CUX1: variants seen among roughly 807,000 people sequenced by gnomAD.
CUX1 encodes the protein cut like homeobox 1.
In CUX1, 31 loss-of-function variants were observed where a neutral mutation model predicts 158.8. The observed-to-expected ratio is 0.20, with a 90% CI of 0.15 to 0.26. CUX1 has a LOEUF of 0.26. Among genes scored for constraint, CUX1 ranks in the 10% least tolerant of loss-of-function variants. CUX1 has a pLI of 1.00. For missense variants in CUX1, 1,589 were observed against 2,014.6 expected (o/e 0.79, Z 4.04); for synonymous variants, 879 against 862.1 (o/e 1.02, Z -0.34).
At chr7:101,940,242 G>GGA (rs1554425862) in intron 2 of CUX1, among the ~76,000 whole-genome samples, 4 of 140,344 alleles carry the variant, frequency 2.9e-5, no homozygotes, top group Non-Finnish European at 6.1e-5. Flanking sequence ...CCTGTCTCAG[G>GGA]AAAAAAAAAA....
intron 6 of CUX1, among the ~76,000 whole-genome samples, chr7:102,109,184 A>G (rs1305127532): frequency 6.6e-6 from 1 of 152,230 alleles, no homozygotes; most frequent in Non-Finnish European, 1.5e-5. Context: ...AAAACAAATA[A>G]TAACATTTTA....
chr7:102,143,877 G>A (rs1203426983), intron 8 of CUX1, among the ~76,000 whole-genome samples: 1 of 152,030 alleles, frequency 6.6e-6, no homozygotes, highest in Non-Finnish European at 1.5e-5. Flanking sequence ...CCACCTCCTG[G>A]GTTCAAGCCA....
chr7:101,869,388 C>T lies in CUX1; in HGVS notation c.31-46727C>T, dbSNP rs1462689523. On this transcript the variant is annotated intron_variant, in intron 1 of 23. Transcript: ENST00000292535. The surrounding 1 kb of genome is among the most constrained non-coding windows in gnomAD (Gnocchi z 4.5). The stretch of plus-strand genomic sequence containing the variant: ...GCACACAGTAGGTGCTTAATAAACA[C>T]GTGGACTGAACACAAGAGGTTGAGG... 6.6e-6 allele frequency among the ~76,000 whole-genome samples: 1 copy of T among 152,172 alleles called. No individual in the cohort carries two copies. The highest frequency in any genetic ancestry group is 1.5e-5 in the Non-Finnish European group (1 of 68,034).
chr7:101,879,237 G>T (rs1335385083), intron 1 of CUX1, among the ~76,000 whole-genome samples: 1 of 152,034 alleles, frequency 6.6e-6, no homozygotes, highest in African/African-American at 2.4e-5. Flanking sequence ...TGGGGAAGTG[G>T]GAATGCTTGC....
Position 102,267,611 on chromosome 7 carries a change from A to G in CUX1, c.1256-5755A>G, listed in dbSNP as rs999783944. ...TAGGTACAACACCGCTGGCCTCGCT[A>G]TGATAAGTCTCTGCATTTAATCCTT... On this transcript the variant is annotated intron_variant, in intron 14 of 22. Transcript: ENST00000292538. Among the ~76,000 whole-genome samples, 10 of 152,176 alleles carry G rather than the reference A, an allele frequency of 6.6e-5. No individual in the cohort carries two copies. The East Asian group carries it at 1.9e-3, about 29-fold the overall frequency.
At chr7:101,919,285 T>A (rs1804607518) in intron 2 of CUX1, among the ~76,000 whole-genome samples, 1 of 152,098 alleles carries the variant, frequency 6.6e-6, no homozygotes, top group Admixed American at 6.5e-5. Context: ...CTGGCCTGTG[T>A]CCCAAGGGGA....
intron 11 of CUX1, among the ~76,000 whole-genome samples, chr7:102,184,691 G>C (rs566579166): frequency 6.6e-6 from 1 of 152,138 alleles, no homozygotes; most frequent in South Asian, 2.1e-4. Flanking sequence ...TTTTGCCCCA[G>C]GATGGAGTAC....
At chr7:102,244,341 C>A (rs1302935338) in intron 23 of CUX1, among the ~76,000 whole-genome samples, 1 of 138,498 alleles carries the variant, frequency 7.2e-6, no homozygotes, top group Non-Finnish European at 1.6e-5. Context: ...AAAAAAAAAA[C>A]CGAGCTTTAT....
intron 8 of CUX1, among the ~76,000 whole-genome samples, chr7:102,146,397 G>C (rs1186342478): frequency 2.0e-5 from 3 of 152,166 alleles, no homozygotes; most frequent in Non-Finnish European, 4.4e-5. Flanking sequence ...CAGGTAGAAA[G>C]TTGACCCCGC....
At chr7:102,064,973 G>A (rs988900170) in intron 3 of CUX1, among the ~76,000 whole-genome samples, 1 of 152,172 alleles carries the variant, frequency 6.6e-6, no homozygotes, top group African/African-American at 2.4e-5. Context: ...AGCAAAGCAC[G>A]GAACTAGGAA....
intron 6 of CUX1, among the ~76,000 whole-genome samples, chr7:102,107,968 G>A (rs1830540135): frequency 6.6e-6 from 1 of 152,230 alleles, no homozygotes; most frequent in Admixed American, 6.5e-5. Flanking sequence ...ACAGAGTCAA[G>A]GCTCGGACAG....
Position 102,170,456 on chromosome 7 carries a change from T to C in CUX1, c.734T>C (p.Val245Ala). The C allele has an allele frequency of 1.3e-6, 2 of 1,585,436 alleles. No homozygotes were observed. The highest frequency in any genetic ancestry group is 1.7e-6 in the Non-Finnish European group (2 of 1,165,168). The change falls in exon 10 of 24, where the codon GTG becomes GCG. Residue 245 changes from valine to alanine, a missense_variant. Around this residue, in one of 8 missense-constraint regions of CUX1, gnomAD observed 515 missense variants for 574.4 expected, o/e 0.90. Transcript: ENST00000292535. Reference protein sequence around the residue: ...DLERANQRAEVAQREAETLRE... With the variant: ...DLERANQRAEAAQREAETLRE... ...TTTCATTTCCTTCAGAGGGCAGAGG[T>C]GGCTCAGAGAGAGGCGGAGACCTTA...
intron 2 of CUX1, among the ~76,000 whole-genome samples, chr7:102,023,085 C>T (rs1262982256): frequency 1.3e-5 from 2 of 151,970 alleles, no homozygotes; most frequent in Admixed American, 6.6e-5. Context: ...CGGGGTGGCT[C>T]GCACCTATAG....
chr7:101,947,457 C>A lies in CUX1; in HGVS notation c.141+31232C>A, dbSNP rs1440816433. ...CCCGAGCCCGAGCTTAAATATTTAC[C>A]CCATATCCAACCATAAGTTAATCCC... On this transcript the variant is annotated intron_variant, in intron 2 of 23. Coordinates refer to ENST00000292535, the MANE Select transcript of CUX1 (RefSeq NM_181552.4). 2.0e-5 allele frequency among the ~76,000 whole-genome samples: 3 copies of A among 152,166 alleles called. No homozygotes were observed. The East Asian group carries it at 5.8e-4, about 29-fold the overall frequency.
intron 2 of CUX1, among the ~76,000 whole-genome samples, chr7:101,957,896 G>A (rs918527981): frequency 2.0e-5 from 3 of 152,084 alleles, no homozygotes; most frequent in African/African-American, 7.2e-5. Flanking sequence ...GTGAGAGTTT[G>A]GAAGTCCCAC....
intron 4 of CUX1, among the ~76,000 whole-genome samples, chr7:102,077,827 A>G (rs937500390): frequency 2.4e-4 from 36 of 151,552 alleles, no homozygotes; most frequent in South Asian, 2.1e-4. Flanking sequence ...ATAATTCGTC[A>G]GTAATTAACC....
rs371513534 is a variant in CUX1, at chr7:102,197,190, C to T, written c.1779C>T (p.Pro593=). The T allele has an allele frequency of 2.6e-4, 418 of 1,614,066 alleles. No individual in the cohort carries two copies. Among genetic ancestry groups the T allele is most frequent in the Non-Finnish European group, 3.3e-4 (394 of 1,180,050 alleles). The change falls in exon 15 of 24, where the codon CCC becomes CCT. Residue 593 remains proline, a synonymous_variant. Coordinates refer to ENST00000292535, the MANE Select transcript of CUX1 (RefSeq NM_181552.4). The stretch of plus-strand genomic sequence containing the variant: ...CCGTGAGCGAGATTCTGGCCCGGCC[C>T]AAGCCATGGAATAAACTGACTGTTC... ...QGSVSEILAR[P]KPWNKLTVRG... is the part of the protein sequence containing the mutation.
chr7:102,057,351 C>T (rs1424559055), intron 3 of CUX1, among the ~76,000 whole-genome samples: 3 of 152,184 alleles, frequency 2.0e-5, no homozygotes, highest in African/African-American at 7.2e-5. Flanking sequence ...TTCTGACACT[C>T]AAGTCTTATT....
intron 2 of CUX1, among the ~76,000 whole-genome samples, chr7:101,974,827 C>T (rs1009993863): frequency 2.6e-5 from 4 of 152,008 alleles, no homozygotes; most frequent in Admixed American, 6.6e-5. Context: ...AAGACAAGAG[C>T]GAGGAAGGCA....
Sources: allele counts gnomAD v4.1 joint callset (sites outside exome capture counted in the v4.1 genomes callset), GRCh38; gene constraint gnomAD v4.1.1; regional missense constraint gnomAD v4.1.1; non-coding constraint Gnocchi (gnomAD v3.1); transcripts MANE v1.5; gene names NCBI Gene and HGNC (gene_info 2026-07-23, HGNC 2026-07-21).